NFAT5: variants seen among roughly 807,000 people sequenced by gnomAD.
NFAT5 encodes nuclear factor of activated T cells 5, also known as nuclear factor of activated T-cells 5.
In NFAT5, 31 loss-of-function variants were observed where a neutral mutation model predicts 166.5. The ratio of observed to expected loss-of-function variants is 0.19; its 90% CI spans 0.14 to 0.25. The LOEUF is 0.25. Among genes scored for constraint, NFAT5 ranks in the 10% least tolerant of loss-of-function variants. NFAT5 has a pLI of 1.00. For missense variants in NFAT5, 1,449 were observed against 1,821.8 expected (o/e 0.80, Z 3.72); for synonymous variants, 612 against 639.7 (o/e 0.96, Z 0.65).
Position 69,696,690 on chromosome 16 carries a change from G to A in NFAT5, c.*339G>A, listed in dbSNP as rs878954357. The A allele has an allele frequency of 4.6e-5, 7 of 152,642 alleles. No homozygotes were observed. The South Asian group carries it at 6.2e-4, about 14-fold the overall frequency. The allele number at this position is 152,642 out of a possible 1,614,324, so 9.5% of individuals were successfully genotyped here. ...AAGGCTGGACCACTCAGTTATTATT[G>A]CTATTAGAAAATAATATATCATGTT... On this transcript the variant is annotated 3_prime_UTR_variant, in exon 15 of 15. Coordinates refer to ENST00000349945, the MANE Select transcript of NFAT5 (RefSeq NM_138713.4).
chr16:69,580,956 A>C (rs2031645224), intron 2 of NFAT5, among the ~76,000 whole-genome samples: 1 of 152,204 alleles, frequency 6.6e-6, no homozygotes, highest in Non-Finnish European at 1.5e-5. Flanking sequence ...CACCCGGCCG[A>C]AATCCAAATT....
chr16:69,619,038 G>C (rs2034083964), intron 2 of NFAT5, among the ~76,000 whole-genome samples: 1 of 152,148 alleles, frequency 6.6e-6, no homozygotes, highest in Non-Finnish European at 1.5e-5. Flanking sequence ...CTGTATAGAT[G>C]CAAGTCCATA....
At chr16:69,600,015 AAATC>A (rs2033039025) in intron 2 of NFAT5, among the ~76,000 whole-genome samples, 1 of 152,200 alleles carries the variant, frequency 6.6e-6, no homozygotes, top group South Asian at 2.1e-4. Context: ...GTAAAAGAGA[AAATC>A]AATTAGGAGG....
Position 69,691,919 on chromosome 16 carries a change from C to A in NFAT5, c.2094C>A (p.Thr698=). ...YNPETLTTIQ[T]QDISQPGTFP... ...CAGAGACCCTGACAACTATTCAAAC[C>A]CAGGACATCTCACAGCCTGGTACTT... is the stretch of plus-strand genomic sequence containing the variant. Residue 698 remains threonine (T), a synonymous_variant, in exon 13 of 15, where the codon ACC becomes ACA. Coordinates refer to ENST00000349945, the MANE Select transcript of NFAT5 (RefSeq NM_138713.4). 6.2e-7 allele frequency: 1 copy of A among 1,614,120 alleles called. No individual in the cohort carries two copies. Among genetic ancestry groups the A allele is most frequent in the Non-Finnish European group, 8.5e-7 (1 of 1,180,020 alleles).
At chr16:69,628,738 G>A (rs563206970) in intron 3 of NFAT5, among the ~76,000 whole-genome samples, 138 of 152,246 alleles carry the variant, frequency 9.1e-4, no homozygotes, top group Middle Eastern at 3.4e-3. Context: ...TCTAGGGAAA[G>A]GCATATTAAT....
At chr16:69,679,322 A>G (rs2036960275) in intron 10 of NFAT5, among the ~76,000 whole-genome samples, 1 of 152,110 alleles carries the variant, frequency 6.6e-6, no homozygotes, top group South Asian at 2.1e-4. Flanking sequence ...CACTGTTAAA[A>G]TACCCCTTGA....
chr16:69,655,124 G>A (rs2035826109), intron 5 of NFAT5, among the ~76,000 whole-genome samples: 1 of 152,096 alleles, frequency 6.6e-6, no homozygotes, highest in Non-Finnish European at 1.5e-5. Context: ...TATCTAGTCC[G>A]TGAAAATGAG....
chr16:69,637,331 A>C lies in NFAT5; in HGVS notation c.254-9697A>C, dbSNP rs2035011227. Among the ~76,000 whole-genome samples, 10 of 152,096 alleles carry C rather than the reference A, an allele frequency of 6.6e-5. No individual in the cohort carries two copies. In the South Asian group the frequency reaches 2.1e-3, roughly 31 times the overall value. The stretch of plus-strand genomic sequence containing the variant: ...CTTCTGAGCCCTCCAAACTGTTCCA[A>C]ACTCTGCCTGTTACCCAGTTCCAAA... On this transcript the variant is annotated intron_variant, in intron 3 of 14. Transcript: ENST00000349945.
chr16:69,662,450 CTT>C (rs539200298), intron 7 of NFAT5, among the ~76,000 whole-genome samples: 233 of 97,006 alleles, frequency 2.4e-3, no homozygotes, highest in South Asian at 4.3e-3. Context: ...ACACCTCTTT[CTT>C]TTTTTTTTTT....
intron 2 of NFAT5, among the ~76,000 whole-genome samples, chr16:69,620,103 A>G (rs1479486809): frequency 1.3e-5 from 2 of 152,240 alleles, no homozygotes; most frequent in African/African-American, 2.4e-5. Flanking sequence ...AACATTGGGA[A>G]GCATTAATTT....
chr16:69,575,812 A>ATATT (rs2016714574), intron 2 of NFAT5, among the ~76,000 whole-genome samples: 1 of 152,206 alleles, frequency 6.6e-6, no homozygotes, highest in Non-Finnish European at 1.5e-5. Context: ...CATTTTACAT[A>ATATT]TATTTTTCAC....
chr16:69,694,768 A>G (rs191298194), intron 13 of NFAT5, among the ~76,000 whole-genome samples: 238 of 152,394 alleles, frequency 1.6e-3, no homozygotes, highest in Non-Finnish European at 2.9e-3. Context: ...TAAAAGGAAA[A>G]TGAAGTCAGA....
At chr16:69,644,941 A>T (rs952398579) in intron 3 of NFAT5, 1 of 418,636 alleles carries the variant, frequency 2.4e-6, no homozygotes, top group East Asian at 7.2e-5. Flanking sequence ...TGCATGCTGC[A>T]TACTTGTATG....
rs779718608 is a variant in NFAT5 at position 69,692,806 on chromosome 16, C to A, written c.2981C>A (p.Thr994Asn). ...ACAACTACCACACAGCAGGTTGCAA[C>A]CCCTGGCACTACCATGTTTCAGACA... ...TSTTTTQQVATPGTTMFQTSS... is the reference protein window; with the variant it reads ...TSTTTTQQVANPGTTMFQTSS... The change falls in exon 13 of 15, where the codon ACC becomes AAC. Residue 994 changes from threonine (T) to asparagine (N), a missense_variant. Around this residue, in one of 7 missense-constraint regions of NFAT5, gnomAD observed 891 missense variants for 993.0 expected, o/e 0.90. Coordinates refer to ENST00000349945, the MANE Select transcript of NFAT5 (RefSeq NM_138713.4). The A allele has an allele frequency of 6.2e-7, 1 of 1,614,092 alleles. No individual in the cohort carries two copies. Among genetic ancestry groups the A allele is most frequent in the Non-Finnish European group, 8.5e-7 (1 of 1,180,044 alleles).
chr16:69,658,697 C>T (rs115566805), intron 6 of NFAT5, among the ~76,000 whole-genome samples: 6,602 of 152,030 alleles, frequency 0.043, 488 homozygotes, highest in African/African-American at 0.15. Context: ...AGTGGTGGTG[C>T]GTGCCTGTAA....
At chr16:69,690,734 G>C in intron 11 of NFAT5, 1 of 343,152 alleles carries the variant, frequency 2.9e-6, no homozygotes, top group Non-Finnish European at 5.3e-6. Flanking sequence ...TTAAGCTATA[G>C]TTCCAGGCCC....
rs1425329093 is a variant in NFAT5 at position 69,581,033 on chromosome 16, T to TTTTG, written c.127+12501_127+12504dup. 6.6e-5 allele frequency among the ~76,000 whole-genome samples: 10 copies of TTTTG among 152,120 alleles called. No homozygotes were observed. The East Asian group carries it at 9.6e-4, about 15-fold the overall frequency. ...GAAAAAATTCGGTTAACAAAGTTCA[T>TTTTG]TTTGTTTGTTTGTTTGTTTTGTTTT... On this transcript the variant is annotated intron_variant, in intron 2 of 14. Coordinates refer to ENST00000349945, the MANE Select transcript of NFAT5 (RefSeq NM_138713.4).
chr16:69,570,005 T>C (rs551963638), intron 2 of NFAT5, among the ~76,000 whole-genome samples: 3 of 152,238 alleles, frequency 2.0e-5, no homozygotes, highest in South Asian at 2.1e-4. Flanking sequence ...CAACAAACCA[T>C]AGAGTGTCAT....
At chr16:69,658,555 G>T (rs886385206) in intron 6 of NFAT5, among the ~76,000 whole-genome samples, 2 of 151,980 alleles carry the variant, frequency 1.3e-5, no homozygotes, top group Non-Finnish European at 2.9e-5. Context: ...ACTAACTTGT[G>T]GCCTGGCACA....
Sources: gnomAD v4.1 joint callset for allele counts (sites outside exome capture counted in the v4.1 genomes callset) on GRCh38, gnomAD v4.1.1 for gene constraint, gnomAD v4.1.1 regional missense constraint, MANE v1.5 for transcripts, NCBI Gene and HGNC (gene_info 2026-07-23, HGNC 2026-07-21) for gene names.